Variants in ETS1 observed in about 807,000 individuals in gnomAD.
ETS1 encodes the protein ETS proto-oncogene 1, transcription factor.
In ETS1, 15 loss-of-function variants were observed where a neutral mutation model predicts 58.6. That is an observed-to-expected ratio of 0.26 (90% CI 0.17 to 0.39). The LOEUF (loss-of-function observed/expected upper bound fraction) is 0.39, where lower values mean the gene tolerates loss of function less well. Among genes scored for constraint, ETS1 ranks in the 10% least tolerant of loss-of-function variants. ETS1 has a pLI of 1.00. For missense variants in ETS1, 417 were observed against 610.5 expected, an observed-to-expected ratio of 0.68 and a Z score of 3.34; for synonymous variants, 214 against 218.2, an observed-to-expected ratio of 0.98 and a Z score of 0.17.
At chr11:128,472,045 G>A (rs975679983) in intron 8 of ETS1, among the ~76,000 whole-genome samples, 3 of 152,302 alleles carry the variant, frequency 2.0e-5, no homozygotes, top group Non-Finnish European at 1.5e-5. Flanking sequence ...CTCCTCAAAC[G>A]TAGCCAGAGT....
chr11:128,549,067 T>G lies in ETS1; in HGVS notation c.214+7224A>C, dbSNP rs1864184759. On this transcript the variant is annotated intron_variant, in intron 3 of 9. Transcript: ENST00000392668. The surrounding 1 kb of genome is among the most constrained non-coding windows in gnomAD (Gnocchi z 4.3). ...AGGGGAGCGGGCCGCCTCCTCCAGCTGCAGGCTCCGGGCTGAGACCCCTGG... is the reference window on the plus strand; with the variant it reads ...AGGGGAGCGGGCCGCCTCCTCCAGCGGCAGGCTCCGGGCTGAGACCCCTGG... Among the ~76,000 whole-genome samples, 1 of 152,156 alleles carries G rather than the reference T, an allele frequency of 6.6e-6. No homozygotes were observed.
At chr11:128,515,078 C>T (rs1198832047) in intron 3 of ETS1, among the ~76,000 whole-genome samples, 2 of 151,946 alleles carry the variant, frequency 1.3e-5, no homozygotes, top group Non-Finnish European at 2.9e-5. Context: ...TTTGTTTTTG[C>T]CCACTTTAAT....
intron 5 of ETS1, among the ~76,000 whole-genome samples, chr11:128,486,720 C>T (rs531008805): frequency 2.6e-5 from 4 of 152,182 alleles, no homozygotes; most frequent in South Asian, 2.1e-4. Flanking sequence ...AATGCGACTG[C>T]GCTTGTGTCA....
intron 1 of ETS1, among the ~76,000 whole-genome samples, chr11:128,582,438 A>C (rs78704287): frequency 0.01 from 1,555 of 152,360 alleles, 10 homozygotes; most frequent in Middle Eastern, 0.061. Flanking sequence ...TTTTATCAGT[A>C]GTGCCTGGCA....
intron 1 of ETS1, among the ~76,000 whole-genome samples, chr11:128,583,034 C>T (rs190193965): frequency 4.6e-4 from 70 of 152,220 alleles, no homozygotes; most frequent in African/African-American, 1.6e-3. Context: ...ATATGAATCA[C>T]CCGGGGATCC....
chr11:128,546,177 A>G (rs752736071), intron 3 of ETS1, among the ~76,000 whole-genome samples: 4 of 152,224 alleles, frequency 2.6e-5, no homozygotes, highest in Non-Finnish European at 5.9e-5. Flanking sequence ...TGGGTTGGGT[A>G]ATCTGTCTAG....
intron 3 of ETS1, among the ~76,000 whole-genome samples, chr11:128,525,440 G>C (rs1863782184): frequency 6.6e-6 from 1 of 152,036 alleles, no homozygotes; most frequent in South Asian, 2.1e-4. Context: ...CTCCAGAAGT[G>C]TCCTAGCATG....
In ETS1 at chr11:128,556,431, T is replaced by C. The variant is rs1192042737; in HGVS notation, c.74A>G (p.Gln25Arg). The part of the protein sequence containing the change: ...YSAPRPAVVR[Q>R]GPSNTYEDPR... ...ATCTTCATAAGTGTTGCTAGGTCCT[T>C]GCCTCTGTGCAAGAAAAAATAGAAG... Residue 25 changes from glutamine (Q) to arginine (R), a missense_variant, in exon 3 of 10, where the codon CAA (glutamine) becomes CGA (arginine). This residue lies in a region of ETS1 where 90 missense variants were observed against 90.3 expected (regional missense o/e 1.00). Transcript: ENST00000392668. 2 of 1,594,260 alleles carry C rather than the reference T, an allele frequency of 1.3e-6. No individual in the cohort carries two copies. The highest frequency in any genetic ancestry group is 8.5e-7 in the Non-Finnish European group (1 of 1,173,070).
chr11:128,527,758 G>C (rs1315840959), intron 3 of ETS1, among the ~76,000 whole-genome samples: 1 of 152,184 alleles, frequency 6.6e-6, no homozygotes, highest in Non-Finnish European at 1.5e-5. Flanking sequence ...GTTTCATCCT[G>C]GTGGAAGGCT....
In ETS1 at chr11:128,490,554, T is replaced by A. The variant is rs765144107; in HGVS notation, c.237A>T (p.Pro79=). Residue 79 remains proline, a synonymous_variant, in exon 4 of 10, where the codon CCA becomes CCT. Transcript: ENST00000392668. ...TTTCTTTGCTGCTTGGAGTTAATAG[T>A]GGGACATCTGCACATTCCATATCTG... ...CVSDMECADV[P]LLTPSSKEMM... 9.3e-6 allele frequency: 15 copies of A among 1,612,122 alleles called. No homozygotes were observed. In the East Asian group the frequency reaches 1.3e-4, roughly 14 times the overall value.
intron 3 of ETS1, among the ~76,000 whole-genome samples, chr11:128,496,509 T>C (rs1211040288): frequency 6.6e-6 from 1 of 152,166 alleles, no homozygotes; most frequent in Non-Finnish European, 1.5e-5. Context: ...GTTTAGGAGA[T>C]AAGGTGCCTT....
At chr11:128,509,631 C>T (rs1425869929) in intron 3 of ETS1, among the ~76,000 whole-genome samples, 1 of 145,906 alleles carries the variant, frequency 6.9e-6, no homozygotes, top group Non-Finnish European at 1.5e-5. Context: ...GAAATGAGTG[C>T]GTTCTTCCTG....
chr11:128,497,475 G>T (rs1862973931), intron 3 of ETS1: 1 of 413,396 alleles, frequency 2.4e-6, no homozygotes, highest in Non-Finnish European at 3.3e-6. Context: ...AGTGACCTCA[G>T]ACTTCTCCCT....
chr11:128,540,580 A>G (rs895746081), intron 3 of ETS1, among the ~76,000 whole-genome samples: 2 of 152,198 alleles, frequency 1.3e-5, no homozygotes, highest in Non-Finnish European at 2.9e-5. Context: ...GGGGTCTATG[A>G]ACATCATCTT....
intron 1 of ETS1, among the ~76,000 whole-genome samples, chr11:128,583,830 T>C (rs1182099059): frequency 1.3e-5 from 2 of 152,188 alleles, no homozygotes; most frequent in African/African-American, 4.8e-5. Context: ...TCCCTCTAAG[T>C]TCTGAAGGCA....
chr11:128,522,033 T>C, intron 3 of ETS1: 1 of 1,552,532 alleles, frequency 6.4e-7, no homozygotes, highest in Middle Eastern at 1.7e-4. Context: ...GGTAGCAAGT[T>C]TGCAGTTACT....
intron 2 of ETS1, among the ~76,000 whole-genome samples, chr11:128,557,702 A>T (rs975328978): frequency 1.3e-5 from 2 of 152,132 alleles, no homozygotes; most frequent in Non-Finnish European, 2.9e-5. Flanking sequence ...GGGTCCCTGC[A>T]CCTTCATAAA....
intron 3 of ETS1, among the ~76,000 whole-genome samples, chr11:128,535,406 T>C (rs1399615790): frequency 6.6e-6 from 1 of 152,256 alleles, no homozygotes; most frequent in Admixed American, 6.5e-5. Flanking sequence ...TAGTTTCTTT[T>C]GCTGTCCAGA....
At chr11:128,541,516 C>G (rs1425208758) in intron 3 of ETS1, among the ~76,000 whole-genome samples, 2 of 152,160 alleles carry the variant, frequency 1.3e-5, no homozygotes, top group Non-Finnish European at 2.9e-5. Flanking sequence ...GTCCTTTTGC[C>G]TTAGAATGAG....
Sources: gnomAD v4.1 joint callset for allele counts (sites outside exome capture counted in the v4.1 genomes callset) on GRCh38, gnomAD v4.1.1 for gene constraint, gnomAD v4.1.1 regional missense constraint, Gnocchi (gnomAD v3.1) non-coding constraint, MANE v1.5 for transcripts, NCBI Gene and HGNC (gene_info 2026-07-23, HGNC 2026-07-21) for gene names.